Variants in DCAF1 observed in about 807,000 individuals in gnomAD.
DCAF1 encodes DDB1 and CUL4 associated factor 1.
DCAF1 carries 15 observed loss-of-function variants against 128.0 expected under a neutral mutation model. The ratio of observed to expected loss-of-function variants is 0.12; its 90% confidence interval spans 0.08 to 0.18. DCAF1 has a LOEUF of 0.18. Among genes scored for constraint, DCAF1 ranks in the 10% least tolerant of loss-of-function variants. The pLI is 1.00. For synonymous variants in DCAF1, 610 were observed against 603.0 expected, an observed-to-expected ratio of 1.01 and a Z score of -0.17; for missense variants, 988 against 1,649.5, an observed-to-expected ratio of 0.60 and a Z score of 6.95.
At chr3:51,434,325 C>T (rs1272842171) in intron 9 of DCAF1, among the ~76,000 whole-genome samples, 1 of 151,562 alleles carries the variant, frequency 6.6e-6, no homozygotes, top group Non-Finnish European at 1.5e-5. Flanking sequence ...TCGCTTGAGC[C>T]GGGGAGTTCA....
At chr3:51,415,092 G>T (rs542831414) in intron 18 of DCAF1, among the ~76,000 whole-genome samples, 1 of 151,996 alleles carries the variant, frequency 6.6e-6, no homozygotes, top group Non-Finnish European at 1.5e-5. Context: ...CATTATATTT[G>T]ATTTCCTTCC....
chr3:51,471,844 G>A (rs1577257225), intron 3 of DCAF1, among the ~76,000 whole-genome samples: 1 of 151,864 alleles, frequency 6.6e-6, no homozygotes, highest in Non-Finnish European at 1.5e-5. Flanking sequence ...ACTCCAGCCC[G>A]GGCAACAAGA....
At chr3:51,437,844 T>A (rs1700994101) in intron 9 of DCAF1, among the ~76,000 whole-genome samples, 2 of 149,012 alleles carry the variant, frequency 1.3e-5, no homozygotes, top group Admixed American at 6.7e-5. Flanking sequence ...ATAAAATGCA[T>A]AACACAAACA....
At chr3:51,426,783 T>C (rs1699944989) in intron 13 of DCAF1, among the ~76,000 whole-genome samples, 1 of 152,182 alleles carries the variant, frequency 6.6e-6, no homozygotes, top group Admixed American at 6.5e-5. Context: ...GCACTCTGTT[T>C]ATAAACTTTT....
At chr3:51,488,738 G>A (rs1707269415) in intron 2 of DCAF1, among the ~76,000 whole-genome samples, 1 of 152,152 alleles carries the variant, frequency 6.6e-6, no homozygotes, top group Non-Finnish European at 1.5e-5. Flanking sequence ...AGGAGGCAGA[G>A]GTTGCAGTGA....
intron 3 of DCAF1, among the ~76,000 whole-genome samples, chr3:51,479,878 G>A (rs1250609436): frequency 2.0e-5 from 3 of 151,872 alleles, no homozygotes; most frequent in African/African-American, 7.3e-5. Flanking sequence ...ATGAATGACA[G>A]GAGTATTAAA....
chr3:51,496,144 A>G (rs1553660794), intron 2 of DCAF1, among the ~76,000 whole-genome samples: 2 of 152,110 alleles, frequency 1.3e-5, no homozygotes, highest in African/African-American at 2.4e-5. Context: ...ATACAAAATT[A>G]GGCCGGGCGC....
At chr3:51,467,570 G>A (rs1170049803) in intron 4 of DCAF1, among the ~76,000 whole-genome samples, 1 of 151,968 alleles carries the variant, frequency 6.6e-6, no homozygotes, top group Non-Finnish European at 1.5e-5. Flanking sequence ...AATGGGTGCA[G>A]CACACCAACA....
chr3:51,485,272 A>G (rs1553654898), intron 2 of DCAF1, among the ~76,000 whole-genome samples: 1 of 152,218 alleles, frequency 6.6e-6, no homozygotes, highest in African/African-American at 2.4e-5. Flanking sequence ...CCAGCATGAA[A>G]GTGGAGAAGG....
At position 51,468,317 on chromosome 3, in the gene DCAF1, G is replaced by T. The variant is rs1387956570; in HGVS notation, c.188-1441C>A. ...CTCCCGAGTAGCTGGGATTACAGGT[G>T]CCTGCCACCACGCTCAGCTAATTCC... On this transcript the variant is annotated intron_variant, in intron 4 of 24. Coordinates refer to ENST00000684031, the MANE Select transcript of DCAF1 (RefSeq NM_001387579.1). 2.0e-5 allele frequency among the ~76,000 whole-genome samples: 3 copies of T among 151,902 alleles called. No individual in the cohort carries two copies. The East Asian group carries it at 5.8e-4, about 29-fold the overall frequency.
At chr3:51,412,827 G>C (rs1297543187) in intron 22 of DCAF1, among the ~76,000 whole-genome samples, 166 bp downstream of exon 22, 1 of 152,126 alleles carries the variant, frequency 6.6e-6, no homozygotes, top group Admixed American at 6.5e-5. Context: ...ATTTCTCTTT[G>C]TACTGTACAT....
intron 6 of DCAF1, 125 bp from the exon 7 acceptor site, chr3:51,444,028 T>G (rs1553639651): frequency 2.4e-6 from 2 of 817,762 alleles, no homozygotes; most frequent in African/African-American, 3.5e-5. Flanking sequence ...GTAAAAAAAG[T>G]ACTACTACAG....
rs1699277360 is a variant in DCAF1 at position 51,420,259 on chromosome 3, C to T, written c.2711G>A (p.Arg904His). Residue 904 changes from arginine (R) to histidine (H), a missense_variant, in exon 15 of 25, where the codon CGT (arginine) becomes CAT (histidine). Around this residue, in one of 11 missense-constraint regions of DCAF1, gnomAD observed 88 missense variants for 107.7 expected, o/e 0.82. Coordinates refer to ENST00000684031, the MANE Select transcript of DCAF1 (RefSeq NM_001387579.1). This position sits in a 1 kb window ranked among gnomAD's most constrained non-coding sequence, Gnocchi z 6.5. Reference protein sequence around the residue: ...ASPVSLPRTPRIANGIATRLG... With the variant: ...ASPVSLPRTPHIANGIATRLG... The stretch of plus-strand genomic sequence containing the variant: ...ACGAGTTGCAATGCCATTAGCGATA[C>T]GAGGGGTTCGGGGTAGAGAGACAGG... 1.2e-6 allele frequency: 2 copies of T among 1,613,902 alleles called. No homozygotes were observed. Among genetic ancestry groups the T allele is most frequent in the Non-Finnish European group, 1.7e-6 (2 of 1,179,878 alleles).
At chr3:51,464,853 GTATC>G (rs1259482772) in intron 5 of DCAF1, among the ~76,000 whole-genome samples, 4 of 152,162 alleles carry the variant, frequency 2.6e-5, no homozygotes, top group African/African-American at 9.7e-5. Flanking sequence ...CGAGAAGGAA[GTATC>G]TAAGGAAACG....
chr3:51,446,054 C>T (rs1253420572), intron 6 of DCAF1, among the ~76,000 whole-genome samples: 2 of 144,292 alleles, frequency 1.4e-5, no homozygotes, highest in African/African-American at 2.6e-5. Flanking sequence ...AGTGCAGTGG[C>T]GCAATCTCGA....
At chr3:51,489,250 A>G (rs112827499) in intron 2 of DCAF1, among the ~76,000 whole-genome samples, 40 of 152,230 alleles carry the variant, frequency 2.6e-4, no homozygotes, top group Admixed American at 4.6e-4. Context: ...CCTGGCCAAC[A>G]TGGTGAAATC....
intron 22 of DCAF1, 103 bp downstream of exon 22, chr3:51,412,890 T>C: frequency 2.0e-6 from 3 of 1,509,586 alleles, no homozygotes; most frequent in Non-Finnish European, 1.8e-6. Flanking sequence ...TTCAGGAATG[T>C]ATTGACTTTA....
Position 51,419,984 on chromosome 3 carries a change from T to G in DCAF1, c.2986A>C (p.Arg996=). ...AGCGTAGGTGGGGAAGGAAGATGTC[T>G]GTCCAGCTGTTTTTTTATGGCTGGG... The part of the protein sequence containing the change: ...QSPAIKKQLD[R]HLPSPPTLDS... The change falls in exon 15 of 25, where the codon AGA becomes CGA. Residue 996 remains arginine (R), a synonymous_variant. Coordinates refer to ENST00000684031, the MANE Select transcript of DCAF1 (RefSeq NM_001387579.1). 6.2e-7 allele frequency: 1 copy of G among 1,614,062 alleles called. No homozygotes were observed. The highest frequency in any genetic ancestry group is 8.5e-7 in the Non-Finnish European group (1 of 1,179,902).
At chr3:51,439,044 C>T (rs1701111660) in intron 9 of DCAF1, among the ~76,000 whole-genome samples, 1 of 152,210 alleles carries the variant, frequency 6.6e-6, no homozygotes, top group African/African-American at 2.4e-5. Flanking sequence ...TCAGCTTAGT[C>T]ACCTTGAATT....
Sources: gnomAD v4.1 joint callset for allele counts (sites outside exome capture counted in the v4.1 genomes callset) on GRCh38, gnomAD v4.1.1 for gene constraint, gnomAD v4.1.1 regional missense constraint, Gnocchi (gnomAD v3.1) non-coding constraint, MANE v1.5 for transcripts, NCBI Gene and HGNC (gene_info 2026-07-23, HGNC 2026-07-21) for gene names.